RASA3: variants seen among roughly 807,000 people sequenced by gnomAD.
The protein encoded by RASA3 is RAS p21 protein activator 3.
In RASA3, 73 loss-of-function variants were observed where a neutral mutation model predicts 110.0. That is an observed-to-expected ratio of 0.66 (90% CI 0.55 to 0.81). The LOEUF (loss-of-function observed/expected upper bound fraction) is 0.81. RASA3 is among the 30% of genes least tolerant of loss of function. The probability of loss-of-function intolerance (pLI) is 0.00; values close to 1 mark genes in which losing one functional copy is unlikely to be tolerated. For missense variants in RASA3, 976 were observed against 1,113.2 expected (o/e 0.88, Z 1.75); for synonymous variants, 500 against 451.4 (o/e 1.11, Z -1.37).
chr13:114,123,859 C>T (rs1448043821), intron 1 of RASA3, among the ~76,000 whole-genome samples: 1 of 152,232 alleles, frequency 6.6e-6, no homozygotes, highest in Non-Finnish European at 1.5e-5. Flanking sequence ...GACCTCTTAC[C>T]AACCTCTGGA....
intron 22 of RASA3, among the ~76,000 whole-genome samples, chr13:113,991,914 TCA>T (rs1371756989): frequency 9.9e-5 from 15 of 151,806 alleles, no homozygotes; most frequent in Non-Finnish European, 1.5e-5. Flanking sequence ...ACCCACACAT[TCA>T]CTCTCATACA....
chr13:114,126,301 G>A (rs1306895250), intron 1 of RASA3, among the ~76,000 whole-genome samples: 1 of 152,108 alleles, frequency 6.6e-6, no homozygotes, highest in Non-Finnish European at 1.5e-5. Flanking sequence ...TCAACCCATC[G>A]GCCAGAGGCC....
At chr13:114,058,106 C>T (rs2079275300) in intron 2 of RASA3, among the ~76,000 whole-genome samples, 1 of 152,170 alleles carries the variant, frequency 6.6e-6, no homozygotes. Context: ...CCTGCCTGAC[C>T]ACTCAGGGGT....
intron 2 of RASA3, among the ~76,000 whole-genome samples, chr13:114,067,005 A>G (rs2079465001): frequency 2.2e-5 from 3 of 137,672 alleles, no homozygotes; most frequent in Middle Eastern, 4.5e-3. Context: ...GGGCCCCCCA[A>G]CCTGGGCTGA....
intron 4 of RASA3, among the ~76,000 whole-genome samples, chr13:114,033,829 A>T (rs1294367811): frequency 6.6e-6 from 1 of 152,230 alleles, no homozygotes; most frequent in African/African-American, 2.4e-5. Context: ...CTGTGGCTGC[A>T]GCCCCAGAGC....
intron 3 of RASA3, among the ~76,000 whole-genome samples, chr13:114,050,045 G>A (rs909626375): frequency 2.0e-5 from 3 of 152,230 alleles, no homozygotes; most frequent in Non-Finnish European, 2.9e-5. Flanking sequence ...GAGCCCGGAG[G>A]CAGGAGGGAG....
At position 114,042,467 on chromosome 13, in the gene RASA3, C is replaced by T. The variant is rs71449056; in HGVS notation, c.278-1373G>A. ...TTGGCAGACTCCTCACGTCTTCGTT[C>T]TGCACCCAGAGACACACACGCCCTC... On this transcript the variant is annotated intron_variant, in intron 3 of 23. Coordinates refer to ENST00000334062, the MANE Select transcript of RASA3 (RefSeq NM_007368.4). 5.1e-3 allele frequency among the ~76,000 whole-genome samples: 783 copies of T among 152,392 alleles called. 5 individuals carry two copies. The highest frequency in any genetic ancestry group is 6.5e-3 in the Non-Finnish European group (444 of 68,040).
Position 113,999,663 on chromosome 13 carries a change from G to C in RASA3, c.1854C>G (p.Asp618Glu). 1 of 1,612,672 alleles carries C rather than the reference G, an allele frequency of 6.2e-7. No individual in the cohort carries two copies. Among genetic ancestry groups the C allele is most frequent in the Non-Finnish European group, 8.5e-7 (1 of 1,179,556 alleles). Reference sequence around the variant, plus strand: ...CGATGGGAATGCTGTAGAGAGGCTGGTCCCCTGCAGCAGAGATGGACTGTC... The same window carrying C: ...CGATGGGAATGCTGTAGAGAGGCTGCTCCCCTGCAGCAGAGATGGACTGTC... ...HEFTYHKSKG[D>E]QPLYSIPIEN... Residue 618 changes from aspartate to glutamate, a missense_variant, in exon 20 of 24, where the codon GAC becomes GAG. Asp to Glu is a conservative substitution (Grantham distance 45). This residue lies in a region of RASA3 where 109 missense variants were observed against 162.5 expected (regional missense o/e 0.67). Coordinates refer to ENST00000334062, the MANE Select transcript of RASA3 (RefSeq NM_007368.4).
chr13:113,996,504 G>A (rs1381840328), intron 21 of RASA3, 27 bp downstream of exon 21: 1 of 1,602,044 alleles, frequency 6.2e-7, no homozygotes, highest in Non-Finnish European at 8.5e-7. Context: ...CACAGTGCAC[G>A]AGCTGGGCAC....
intron 20 of RASA3, among the ~76,000 whole-genome samples, chr13:113,999,196 C>T (rs1594294477): frequency 6.6e-6 from 1 of 152,172 alleles, no homozygotes; most frequent in Non-Finnish European, 1.5e-5. Context: ...CGTGCAACTT[C>T]TATAAATTCA....
intron 18 of RASA3, among the ~76,000 whole-genome samples, chr13:114,002,498 G>C (rs547979120): frequency 2.0e-5 from 3 of 152,222 alleles, no homozygotes; most frequent in Admixed American, 6.5e-5. Flanking sequence ...CGGGGGTTGG[G>C]GGGGGACTGG....
chr13:114,097,276 C>G (rs972979750), intron 1 of RASA3, among the ~76,000 whole-genome samples: 2 of 152,226 alleles, frequency 1.3e-5, no homozygotes, highest in African/African-American at 4.8e-5. Context: ...AAATACCCTG[C>G]AGATAAGGTC....
intron 1 of RASA3, among the ~76,000 whole-genome samples, chr13:114,102,367 G>A (rs1372216194): frequency 6.6e-6 from 1 of 152,090 alleles, no homozygotes; most frequent in Non-Finnish European, 1.5e-5. Context: ...GAGAGCGAGA[G>A]TGAAGGAGGA....
At chr13:114,009,209 G>A (rs1474008621) in intron 17 of RASA3, among the ~76,000 whole-genome samples, 178 bp downstream of exon 17, 1 of 152,228 alleles carries the variant, frequency 6.6e-6, no homozygotes, top group African/African-American at 2.4e-5. Context: ...GTGGGAGGAG[G>A]TGTCCCAGGA....
intron 1 of RASA3, among the ~76,000 whole-genome samples, chr13:114,118,226 A>C (rs896709205): frequency 6.6e-6 from 1 of 152,080 alleles, no homozygotes. Context: ...GGACAGCCCC[A>C]GTTCATGGCT....
At chr13:113,984,410 AC>A (rs1163855803) in intron 22 of RASA3, among the ~76,000 whole-genome samples, 1 of 83,178 alleles carries the variant, frequency 1.2e-5, no homozygotes, top group Non-Finnish European at 2.7e-5. Context: ...CCCATCACTC[AC>A]CCCTTTGTCC....
At position 113,996,650 on chromosome 13, in the gene RASA3, T is replaced by C. The variant is rs1445194948; in HGVS notation, c.2022A>G (p.Lys674=). ...EAKDWIDILT[K]VSQCNQKRLT... is the part of the protein sequence containing the mutation. ...GGCGCTTCTGGTTGCACTGGCTCAC[T>C]TTGGTGAGAATGTCGATCCAGTCCT... is the stretch of plus-strand genomic sequence containing the variant. The change falls in exon 21 of 24, where the codon AAA becomes AAG. Residue 674 remains lysine, a synonymous_variant. Coordinates refer to ENST00000334062, the MANE Select transcript of RASA3 (RefSeq NM_007368.4). 6.2e-7 allele frequency: 1 copy of C among 1,613,656 alleles called. No individual in the cohort carries two copies. Among genetic ancestry groups the C allele is most frequent in the African/African-American group, 1.3e-5 (1 of 74,922 alleles).
At chr13:114,075,281 A>G (rs1251879260) in intron 1 of RASA3, among the ~76,000 whole-genome samples, 1 of 150,000 alleles carries the variant, frequency 6.7e-6, no homozygotes, top group East Asian at 2.1e-4. Flanking sequence ...CATGGCTCAC[A>G]TGGGGCAGTC....
intron 21 of RASA3, among the ~76,000 whole-genome samples, chr13:113,993,827 A>AAAAAAAAAG (rs1566450492): frequency 8.0e-6 from 1 of 125,672 alleles, no homozygotes; most frequent in Non-Finnish European, 1.6e-5. Flanking sequence ...AAAAAAAAAA[A>AAAAAAAAAG]AAAAGAAAAG....
Sources: gnomAD v4.1 joint callset for allele counts (sites outside exome capture counted in the v4.1 genomes callset) on GRCh38, gnomAD v4.1.1 for gene constraint, gnomAD v4.1.1 regional missense constraint, MANE v1.5 for transcripts, NCBI Gene and HGNC (gene_info 2026-07-23, HGNC 2026-07-21) for gene names.